Variants in C1QTNF1 observed in about 807,000 individuals in gnomAD.
C1QTNF1 encodes the protein C1q and TNF related 1.
A neutral mutation model predicts 27.8 loss-of-function variants in C1QTNF1; 22 were observed. That is an observed-to-expected ratio of 0.79 (90% CI 0.56 to 1.13). The LOEUF (loss-of-function observed/expected upper bound fraction) is 1.13. Ranked by LOEUF, C1QTNF1 falls within the 50% of genes most tolerant of loss-of-function variation. The pLI, the probability that C1QTNF1 is intolerant of heterozygous loss-of-function variation, is 0.00. For missense variants in C1QTNF1, 373 were observed against 380.2 expected (o/e 0.98, Z 0.16); for synonymous variants, 166 against 154.3 (o/e 1.08, Z -0.56).
intron 1 of C1QTNF1, among the ~76,000 whole-genome samples, chr17:79,026,467 C>T (rs1245183810): frequency 6.6e-6 from 1 of 152,188 alleles, no homozygotes; most frequent in Admixed American, 6.5e-5. Flanking sequence ...GGGGCGTATA[C>T]TTTTAACCTT....
At chr17:79,029,112 T>C (rs997560484) in intron 1 of C1QTNF1, among the ~76,000 whole-genome samples, 1 of 152,180 alleles carries the variant, frequency 6.6e-6, no homozygotes, top group East Asian at 1.9e-4. Context: ...TGTTGAATGA[T>C]GAATGCAAGG....
At chr17:79,026,638 T>G (rs1008259047) in intron 1 of C1QTNF1, among the ~76,000 whole-genome samples, 2 of 152,198 alleles carry the variant, frequency 1.3e-5, no homozygotes, top group South Asian at 2.1e-4. Context: ...TCCTCTTGTG[T>G]TGCCAAGGGT....
intron 1 of C1QTNF1, among the ~76,000 whole-genome samples, chr17:79,026,739 C>T (rs1181832011): frequency 6.6e-6 from 1 of 152,178 alleles, no homozygotes; most frequent in East Asian, 1.9e-4. Context: ...ACCACTGCCC[C>T]TCCCAGGCAG....
At chr17:79,029,833 G>A (rs1214672580) in intron 1 of C1QTNF1, among the ~76,000 whole-genome samples, 2 of 152,134 alleles carry the variant, frequency 1.3e-5, no homozygotes, top group Admixed American at 1.3e-4. Flanking sequence ...GCTGTTCCTG[G>A]TCCTAACACA....
rs1170019743 is a variant in C1QTNF1, at chr17:79,024,390, T to A, written c.-119T>A. On this transcript the variant is annotated 5_prime_UTR_variant, in exon 1 of 4. Coordinates refer to ENST00000579760, the MANE Select transcript of C1QTNF1 (RefSeq NM_030968.5). ...CGGAAGACCTTTTCCCCTGCTCTGT[T>A]TCCTTCACCGAGTCTGTGCATCGCC... 6.6e-6 allele frequency: 1 copy of A among 151,798 alleles called. No homozygotes were observed. Among genetic ancestry groups the A allele is most frequent in the African/African-American group, 2.4e-5 (1 of 41,266 alleles). The allele number at this position is 151,798 out of a possible 1,614,324, so 9.4% of individuals were successfully genotyped here. A position where few individuals can be genotyped will look rare whatever the true frequency, so the allele number is the denominator to read the frequency against.
chr17:79,047,455 CAG>C (rs2072614940), intron 3 of C1QTNF1, 81 bp from the exon 4 acceptor site: 2 of 1,363,172 alleles, frequency 1.5e-6, no homozygotes, highest in Admixed American at 4.6e-5. Context: ...AGGACAGCGC[CAG>C]GGACCGGAGA....
intron 1 of C1QTNF1, among the ~76,000 whole-genome samples, chr17:79,035,415 T>C (rs2072241490): frequency 6.7e-6 from 1 of 148,732 alleles, no homozygotes; most frequent in African/African-American, 2.5e-5. Flanking sequence ...CAGGAGTGTT[T>C]GAGTTCTGGG....
intron 1 of C1QTNF1, among the ~76,000 whole-genome samples, chr17:79,026,217 C>G (rs1317801918): frequency 1.3e-5 from 2 of 151,870 alleles, no homozygotes; most frequent in Non-Finnish European, 2.9e-5. Context: ...AGTGCAAGGC[C>G]AAATCTCGGC....
At chr17:79,023,649 C>G (rs2071830888), upstream of C1QTNF1, among the ~76,000 whole-genome samples, 1 of 151,962 alleles carries the variant, frequency 6.6e-6, no homozygotes, top group African/African-American at 2.4e-5. Context: ...ACAGAGCTCT[C>G]AAGACTCTGA....
intron 1 of C1QTNF1, among the ~76,000 whole-genome samples, chr17:79,025,259 T>C (rs1299401758): frequency 6.6e-6 from 1 of 152,132 alleles, no homozygotes; most frequent in Non-Finnish European, 1.5e-5. Flanking sequence ...TGGTCCCCAC[T>C]GTTAGCCCGG....
rs2072573588 is a variant in C1QTNF1, at chr17:79,046,400, G to A, written c.156-155G>A. On this transcript the variant is annotated intron_variant, in intron 2 of 3. Transcript: ENST00000579760. This position sits in a 1 kb window ranked among gnomAD's most constrained non-coding sequence, Gnocchi z 4.8. ...TTCGGTAGTGAGGATCCCAGAGTGG[G>A]CCGTGAGCCCACCAGCGTGAACACA... Among the ~76,000 whole-genome samples the A allele has an allele frequency of 6.6e-6, 1 of 152,170 alleles. No individual in the cohort carries two copies. The highest frequency in any genetic ancestry group is 2.1e-4 in the South Asian group (1 of 4,834).
intron 1 of C1QTNF1, among the ~76,000 whole-genome samples, chr17:79,036,875 G>A (rs1007799270): frequency 6.6e-6 from 1 of 152,206 alleles, no homozygotes; most frequent in Non-Finnish European, 1.5e-5. Flanking sequence ...AATTCAAGGA[G>A]ATTATAGGCT....
rs778176781 is a variant in C1QTNF1, at chr17:79,048,014, G to A, written c.772G>A (p.Ala258Thr). The A allele has an allele frequency of 3.1e-6, 5 of 1,607,474 alleles. No individual in the cohort carries two copies. The Admixed American group carries it at 5.0e-5, about 16-fold the overall frequency. ...VRLYKGEREN[A>T]IFSEELDTYI... is the part of the protein sequence containing the mutation. ...CCTCTACAAGGGCGAACGTGAGAACGCCATCTTCAGCGAGGAGCTGGACAC... is the reference window on the plus strand; with the variant it reads ...CCTCTACAAGGGCGAACGTGAGAACACCATCTTCAGCGAGGAGCTGGACAC... The change falls in exon 4 of 4, where the codon GCC becomes ACC. Residue 258 changes from alanine to threonine, a missense_variant. Physicochemically the swap from Ala to Thr is moderately conservative, Grantham distance 58 (BLOSUM62 0). Transcript: ENST00000579760.
chr17:79,039,230 G>A (rs1445128537), intron 1 of C1QTNF1, among the ~76,000 whole-genome samples: 2 of 152,258 alleles, frequency 1.3e-5, no homozygotes, highest in East Asian at 3.8e-4. Flanking sequence ...GACATTTTTT[G>A]TTGTCATAAC....
At chr17:79,039,548 G>C (rs2072347163) in intron 1 of C1QTNF1, among the ~76,000 whole-genome samples, 1 of 152,184 alleles carries the variant, frequency 6.6e-6, no homozygotes, top group Non-Finnish European at 1.5e-5. Context: ...AGTTACTAGG[G>C]AGACTGAGGC....
chr17:79,037,817 G>A (rs1016931223), intron 1 of C1QTNF1, among the ~76,000 whole-genome samples: 5 of 151,790 alleles, frequency 3.3e-5, no homozygotes, highest in African/African-American at 9.7e-5. Context: ...GACTACAGGC[G>A]AACACCACCA....
At chr17:79,040,388 C>A (rs567731946) in intron 1 of C1QTNF1, among the ~76,000 whole-genome samples, 6 of 151,982 alleles carry the variant, frequency 3.9e-5, no homozygotes, top group Non-Finnish European at 8.8e-5. Context: ...TGGCCTGAGC[C>A]GGGAGGGTTG....
At chr17:79,044,501 G>A (rs2072515212) in intron 2 of C1QTNF1, among the ~76,000 whole-genome samples, 1 of 152,194 alleles carries the variant, frequency 6.6e-6, no homozygotes, top group Non-Finnish European at 1.5e-5. Context: ...TTGGAGGCAG[G>A]GAGAAGTGGA....
chr17:79,033,298 G>A (rs1039673575), intron 1 of C1QTNF1, among the ~76,000 whole-genome samples: 4 of 152,108 alleles, frequency 2.6e-5, no homozygotes, highest in Non-Finnish European at 5.9e-5. Flanking sequence ...ATAGCTCCAT[G>A]TGGCTCGTAG....
Sources: allele counts gnomAD v4.1 joint callset (sites outside exome capture counted in the v4.1 genomes callset), GRCh38; gene constraint gnomAD v4.1.1; non-coding constraint Gnocchi (gnomAD v3.1); transcripts MANE v1.5; gene names NCBI Gene and HGNC (gene_info 2026-07-23, HGNC 2026-07-21).